The following ZC3H6 variants were observed in gnomAD, a reference collection of about 807,000 sequenced individuals.
The protein encoded by ZC3H6 is zinc finger CCCH domain-containing protein 6.
In ZC3H6, 40 loss-of-function variants were observed where a neutral mutation model predicts 107.7. That is an observed-to-expected ratio of 0.37 (90% CI 0.29 to 0.48). The LOEUF (loss-of-function observed/expected upper bound fraction) is 0.48. ZC3H6 is among the 20% of genes least tolerant of loss of function. The pLI is 0.98. For missense variants in ZC3H6, 1,267 were observed against 1,410.4 expected, an observed-to-expected ratio of 0.90 and a Z score of 1.63; for synonymous variants, 493 against 487.9, an observed-to-expected ratio of 1.01 and a Z score of -0.14.
chr2:112,318,228 A>T (rs547296995), intron 7 of ZC3H6, among the ~76,000 whole-genome samples: 1 of 152,370 alleles, frequency 6.6e-6, no homozygotes, highest in African/African-American at 2.4e-5. Context: ...TTACCAGAGG[A>T]ATACATGATG....
rs189421650 is a variant in ZC3H6 at position 112,278,356 on chromosome 2, C to T, written c.32+2330C>T. Among the ~76,000 whole-genome samples the T allele has an allele frequency of 6.4e-3, 979 of 152,270 alleles. 29 individuals are homozygous for T. Among genetic ancestry groups the T allele is most frequent in the Admixed American group, 0.058 (894 of 15,308 alleles). ...TTTTTGAGACGGAGTCTCGCTCTGT[C>T]GCCCAGGCTGGAGTGCAGTGGCACT... On this transcript the variant is annotated intron_variant, in intron 1 of 11. Transcript: ENST00000409871.
chr2:112,324,875 G>T, intron 10 of ZC3H6, 89 bp from the exon 11 acceptor site: 2 of 1,188,066 alleles, frequency 1.7e-6, no homozygotes, highest in Non-Finnish European at 2.4e-6. Context: ...TGATAATCCA[G>T]TGTGCCTGTG....
At chr2:112,276,104 C>A in intron 1 of ZC3H6, 78 bp downstream of exon 1, 7 of 1,384,454 alleles carry the variant, frequency 5.1e-6, no homozygotes, top group Non-Finnish European at 6.0e-6. Flanking sequence ...CGGGGCCGGG[C>A]GCCTCCTGCA....
At chr2:112,298,692 G>A (rs552191291) in intron 1 of ZC3H6, among the ~76,000 whole-genome samples, 1 of 152,120 alleles carries the variant, frequency 6.6e-6, no homozygotes. Context: ...AAAAGAACTT[G>A]ATCAAATGAA....
At chr2:112,302,576 A>C (rs1676400296) in intron 2 of ZC3H6, among the ~76,000 whole-genome samples, 1 of 152,176 alleles carries the variant, frequency 6.6e-6, no homozygotes, top group Non-Finnish European at 1.5e-5. Flanking sequence ...GAGAATGCTC[A>C]ACTCGGGAAG....
Position 112,322,843 on chromosome 2 carries a change from A to T in ZC3H6, c.1281A>T (p.Pro427=), listed in dbSNP as rs749640002. Residue 427 remains proline (P), a synonymous_variant, in exon 9 of 12, where the codon CCA becomes CCT. Coordinates refer to ENST00000409871, the MANE Select transcript of ZC3H6 (RefSeq NM_198581.3). The stretch of plus-strand genomic sequence containing the variant: ...TCTCTGATGATTTTAGGAAAATTCC[A>T]TCTCTTTTTGAAATAGTTGTAAAAC... The part of the protein sequence containing the change: ...TDFSDDFRKI[P]SLFEIVVKPT... The T allele has an allele frequency of 6.2e-7, 1 of 1,613,374 alleles. No individual in the cohort carries two copies. Among genetic ancestry groups the T allele is most frequent in the South Asian group, 1.1e-5 (1 of 90,810 alleles).
At chr2:112,330,340 A>T (rs1372828914) in intron 11 of ZC3H6, among the ~76,000 whole-genome samples, 1 of 152,208 alleles carries the variant, frequency 6.6e-6, no homozygotes, top group Non-Finnish European at 1.5e-5. Context: ...GGTGTGAGCC[A>T]CCACGCCCAG....
At chr2:112,280,259 A>G (rs1686502377) in intron 1 of ZC3H6, among the ~76,000 whole-genome samples, 2 of 152,188 alleles carry the variant, frequency 1.3e-5, no homozygotes, top group African/African-American at 4.8e-5. Context: ...CTAGCCATTA[A>G]CTTACTTCTG....
chr2:112,318,309 A>C (rs188330238), intron 7 of ZC3H6, among the ~76,000 whole-genome samples: 2 of 152,362 alleles, frequency 1.3e-5, no homozygotes, highest in Admixed American at 6.5e-5. Flanking sequence ...TTTTGACTCC[A>C]TGAAAAAGCT....
chr2:112,332,022 C>A lies in ZC3H6; in HGVS notation c.3104C>A (p.Pro1035Gln). 1 of 1,614,022 alleles carries A rather than the reference C, an allele frequency of 6.2e-7. No homozygotes were observed. The highest frequency in any genetic ancestry group is 8.5e-7 in the Non-Finnish European group (1 of 1,179,898). Residue 1035 changes from proline (P) to glutamine (Q), a missense_variant, in exon 12 of 12, where the codon CCA becomes CAA. Coordinates refer to ENST00000409871, the MANE Select transcript of ZC3H6 (RefSeq NM_198581.3). ...AAACTCTCTTCCTCAGCTGGCCTTC[C>A]ACTGGGAACTTCCACTTCAGTTCTT... ...APKLSSSAGL[P>Q]LGTSTSVLSG...
chr2:112,283,309 ATTTGT>A (rs1269475059), intron 1 of ZC3H6, among the ~76,000 whole-genome samples: 5 of 152,176 alleles, frequency 3.3e-5, no homozygotes, highest in Admixed American at 1.3e-4. Flanking sequence ...ATGATTTTAT[ATTTGT>A]TTTGTTTTTC....
At chr2:112,321,545 TTG>T (rs746024672) in intron 7 of ZC3H6, among the ~76,000 whole-genome samples, 13 of 150,684 alleles carry the variant, frequency 8.6e-5, no homozygotes, top group Admixed American at 2.6e-4. Context: ...AGTTGTGGTT[TTG>T]TGTGTGTGTG....
intron 7 of ZC3H6, among the ~76,000 whole-genome samples, chr2:112,319,038 A>T (rs904771048): frequency 5.3e-5 from 8 of 152,200 alleles, no homozygotes; most frequent in African/African-American, 1.4e-4. Flanking sequence ...AACTTGGGAG[A>T]TGTATTAACT....
At position 112,317,212 on chromosome 2, in the gene ZC3H6, T is replaced by G; in HGVS notation, c.865-9T>G. On this transcript the variant is annotated splice_polypyrimidine_tract_variant and intron_variant, in intron 6 of 11. Transcript: ENST00000409871. ...TTTTCTTTTTTCTTTTTTTTTTTTT[T>G]GTGAATAGGGAGATCAGTGTAAATT... is the stretch of plus-strand genomic sequence containing the variant. The G allele has an allele frequency of 7.2e-7, 1 of 1,383,532 alleles. No homozygotes were observed. Among genetic ancestry groups the G allele is most frequent in the South Asian group, 1.6e-5 (1 of 64,196 alleles). 85.7% of individuals were successfully genotyped at this position (1,383,532 alleles called of 1,614,324 possible). A position where few individuals can be genotyped will look rare whatever the true frequency, so the allele number is the denominator to read the frequency against.
intron 1 of ZC3H6, among the ~76,000 whole-genome samples, chr2:112,283,389 A>G (rs1159311055): frequency 6.6e-6 from 1 of 152,176 alleles, no homozygotes; most frequent in Non-Finnish European, 1.5e-5. Flanking sequence ...ACACTTTCAT[A>G]AATCATACCC....
chr2:112,286,993 A>G (rs1307749582), intron 1 of ZC3H6, among the ~76,000 whole-genome samples: 1 of 152,190 alleles, frequency 6.6e-6, no homozygotes, highest in Non-Finnish European at 1.5e-5. Context: ...GATATTAGGT[A>G]TTTACAGACC....
chr2:112,330,001 T>C (rs182496335), intron 11 of ZC3H6, among the ~76,000 whole-genome samples: 57 of 152,280 alleles, frequency 3.7e-4, no homozygotes, highest in Admixed American at 7.8e-4. Flanking sequence ...TAAATAGGCT[T>C]TAAGAGTAAG....
At chr2:112,304,660 T>C (rs1163552507) in intron 3 of ZC3H6, among the ~76,000 whole-genome samples, 4 of 152,184 alleles carry the variant, frequency 2.6e-5, no homozygotes, top group Admixed American at 2.6e-4. Context: ...AAATATACAG[T>C]ATTTTGTGCT....
intron 11 of ZC3H6, among the ~76,000 whole-genome samples, chr2:112,327,051 T>C (rs1676918777): frequency 6.6e-6 from 1 of 152,230 alleles, no homozygotes; most frequent in Admixed American, 6.5e-5. Context: ...GTGGGATTGC[T>C]GGATCAGATG....
Sources: allele counts gnomAD v4.1 joint callset (sites outside exome capture counted in the v4.1 genomes callset), GRCh38; gene constraint gnomAD v4.1.1; transcripts MANE v1.5; gene names NCBI Gene and HGNC (gene_info 2026-07-23, HGNC 2026-07-21).